The following PDE3A variants were observed in gnomAD, a reference collection of about 807,000 sequenced individuals.
PDE3A encodes cGMP-inhibited 3',5'-cyclic phosphodiesterase 3A.
A neutral mutation model predicts 98.3 loss-of-function variants in PDE3A; 43 were observed. The observed-to-expected ratio is 0.44, with a 90% CI of 0.34 to 0.56. The LOEUF (loss-of-function observed/expected upper bound fraction) is 0.56, where lower values mean the gene tolerates loss of function less well. Among genes scored for constraint, PDE3A ranks in the 20% least tolerant of loss-of-function variants. PDE3A has a pLI of 0.01. For synonymous variants in PDE3A, 663 were observed against 567.9 expected (o/e 1.17, Z -2.38); for missense variants, 1,427 against 1,440.7 (o/e 0.99, Z 0.15).
At chr12:20,652,707 T>TA (rs900808128) in intron 14 of PDE3A, among the ~76,000 whole-genome samples, 27 of 152,226 alleles carry the variant, frequency 1.8e-4, no homozygotes, top group African/African-American at 6.5e-4. Context: ...AATTTTCTCC[T>TA]AAAACCATAA....
chr12:20,638,698 G>T (rs2121513495), intron 9 of PDE3A, among the ~76,000 whole-genome samples: 1 of 152,238 alleles, frequency 6.6e-6, no homozygotes, highest in South Asian at 2.1e-4. Flanking sequence ...GGTGCCACAG[G>T]ATGTGGCAAT....
At chr12:20,417,243 A>G (rs1944435925) in intron 1 of PDE3A, among the ~76,000 whole-genome samples, 1 of 152,202 alleles carries the variant, frequency 6.6e-6, no homozygotes. Context: ...TTTTTCAAAA[A>G]ATACATTGCA....
At position 20,629,953 on chromosome 12, in the gene PDE3A, C is replaced by T. The variant is rs763538249; in HGVS notation, c.1586C>T (p.Pro529Leu). ...CCTCTTTCATCGCCCTGCTCCTCACCTCTCCAAGGGACTCCTGCCAGCAGC... is the reference window on the plus strand; with the variant it reads ...CCTCTTTCATCGCCCTGCTCCTCACTTCTCCAAGGGACTCCTGCCAGCAGC... ...ISPLSSPCSS[P>L]LQGTPASSLV... Residue 529 changes from proline to leucine, a missense_variant, in exon 6 of 16, where the codon CCT (proline) becomes CTT (leucine). Pro to Leu is a moderately conservative substitution (Grantham distance 98). Transcript: ENST00000359062. 1.2e-6 allele frequency: 2 copies of T among 1,614,028 alleles called. No homozygotes were observed. Among genetic ancestry groups the T allele is most frequent in the East Asian group, 2.2e-5 (1 of 44,874 alleles).
chr12:20,395,250 A>G (rs778433497), intron 1 of PDE3A, among the ~76,000 whole-genome samples: 1 of 151,958 alleles, frequency 6.6e-6, no homozygotes, highest in Non-Finnish European at 1.5e-5. Flanking sequence ...GTTTGCTTGG[A>G]TGAATAAAAT....
At chr12:20,491,887 A>G (rs977791653) in intron 1 of PDE3A, among the ~76,000 whole-genome samples, 1 of 152,204 alleles carries the variant, frequency 6.6e-6, no homozygotes, top group Non-Finnish European at 1.5e-5. Context: ...TTGAGAAATA[A>G]TAAAATTCAA....
chr12:20,429,028 T>C (rs964598947), intron 1 of PDE3A, among the ~76,000 whole-genome samples: 3 of 152,194 alleles, frequency 2.0e-5, no homozygotes, highest in African/African-American at 7.2e-5. Flanking sequence ...CTGAGAAAAT[T>C]TCAATGTTTT....
intron 1 of PDE3A, among the ~76,000 whole-genome samples, chr12:20,541,259 G>A (rs537260164): frequency 1.3e-5 from 2 of 151,138 alleles, no homozygotes; most frequent in Non-Finnish European, 3.0e-5. Context: ...CACCACACCT[G>A]GCTAATTTTT....
chr12:20,472,912 T>G (rs1344811723), intron 1 of PDE3A, among the ~76,000 whole-genome samples: 1 of 152,202 alleles, frequency 6.6e-6, no homozygotes, highest in Non-Finnish European at 1.5e-5. Context: ...ATTGAAATTT[T>G]TATTCACCAT....
intron 1 of PDE3A, among the ~76,000 whole-genome samples, chr12:20,465,568 C>T (rs993062455): frequency 1.3e-5 from 2 of 151,996 alleles, no homozygotes; most frequent in Non-Finnish European, 2.9e-5. Flanking sequence ...CGCCACTGTG[C>T]CTGGCTAATT....
intron 1 of PDE3A, among the ~76,000 whole-genome samples, chr12:20,507,712 A>T (rs544308226): frequency 6.6e-6 from 1 of 151,484 alleles, no homozygotes; most frequent in African/African-American, 2.4e-5. Flanking sequence ...GGCATCTCTG[A>T]CTCCCCTTTC....
chr12:20,489,149 A>T (rs1363943837), intron 1 of PDE3A, among the ~76,000 whole-genome samples: 1 of 152,148 alleles, frequency 6.6e-6, no homozygotes, highest in African/African-American at 2.4e-5. Context: ...TTAAGTATAG[A>T]TTTTTACTTG....
chr12:20,369,104 A>C lies in PDE3A; in HGVS notation c.-181A>C. On this transcript the variant is annotated 5_prime_UTR_variant, in exon 1 of 16. Coordinates refer to ENST00000359062, the MANE Select transcript of PDE3A (RefSeq NM_000921.5). The stretch of plus-strand genomic sequence containing the variant: ...ATTGGAGCATCTAGCATTCTCCAGG[A>C]GTTATTCGAAAGCTGAAACTTTCAG... 1.8e-6 allele frequency: 1 copy of C among 550,588 alleles called. No homozygotes were observed. The highest frequency in any genetic ancestry group is 3.2e-6 in the Non-Finnish European group (1 of 311,872). 34.1% of individuals were successfully genotyped at this position (550,588 alleles called of 1,614,324 possible).
chr12:20,672,304 A>G (rs925302301), intron 15 of PDE3A, among the ~76,000 whole-genome samples: 3 of 144,050 alleles, frequency 2.1e-5, no homozygotes, highest in Admixed American at 2.1e-4. Flanking sequence ...TGCCATCCCC[A>G]TCAAGCTACC....
intron 1 of PDE3A, among the ~76,000 whole-genome samples, chr12:20,448,365 C>T (rs546224450): frequency 2.0e-5 from 3 of 152,164 alleles, no homozygotes; most frequent in East Asian, 3.9e-4. Context: ...CGATTGAACC[C>T]GGGAGGCGGC....
intron 15 of PDE3A, among the ~76,000 whole-genome samples, chr12:20,667,053 T>C (rs1945332854): frequency 6.6e-6 from 1 of 152,240 alleles, no homozygotes; most frequent in Admixed American, 6.5e-5. Context: ...TTCATATACC[T>C]GTTGGCCATT....
At chr12:20,572,586 A>AT (rs1942825452) in intron 2 of PDE3A, among the ~76,000 whole-genome samples, 1 of 152,092 alleles carries the variant, frequency 6.6e-6, no homozygotes, top group Admixed American at 6.6e-5. Flanking sequence ...ATCCTTCTGC[A>AT]TTTTTTCCTA....
chr12:20,591,514 A>G (rs10770673), intron 2 of PDE3A, among the ~76,000 whole-genome samples: 108,474 of 152,222 alleles, frequency 0.71, 38,726 homozygotes, highest in Admixed American at 0.79. Flanking sequence ...AAGTAGCCAC[A>G]GGAGTGGCTT....
rs543040453 is a variant in PDE3A at position 20,552,991 on chromosome 12, G to A, written c.961-3669G>A. ...GACCGTCCTCAACCAGCTCTTCCCC[G>A]GCTACGGCAATGGCCGGTGATCTCC... On this transcript the variant is annotated intron_variant, in intron 1 of 15. Transcript: ENST00000359062. The surrounding 1 kb of genome is among the most constrained non-coding windows in gnomAD (Gnocchi z 5.1). 1.3e-6 allele frequency: 2 copies of A among 1,572,558 alleles called. No individual in the cohort carries two copies. The highest frequency in any genetic ancestry group is 2.4e-5 in the East Asian group (1 of 42,514).
intron 1 of PDE3A, among the ~76,000 whole-genome samples, chr12:20,405,586 T>C (rs1029163103): frequency 6.6e-6 from 1 of 152,174 alleles, no homozygotes; most frequent in Non-Finnish European, 1.5e-5. Flanking sequence ...TCTTTTTTGT[T>C]TGGCTTTATT....
Sources: allele counts gnomAD v4.1 joint callset (sites outside exome capture counted in the v4.1 genomes callset), GRCh38; gene constraint gnomAD v4.1.1; non-coding constraint Gnocchi (gnomAD v3.1); transcripts MANE v1.5; gene names NCBI Gene and HGNC (gene_info 2026-07-23, HGNC 2026-07-21).